The following CWC22 variants were observed in gnomAD, a reference collection of about 807,000 sequenced individuals.
CWC22 encodes CWC22 spliceosome associated protein, also known as pre-mRNA-splicing factor CWC22 homolog.
CWC22 carries 53 observed loss-of-function variants against 117.2 expected under a neutral mutation model. That is an observed-to-expected ratio of 0.45 (90% CI 0.36 to 0.57). The LOEUF is 0.57. Ranked by LOEUF, CWC22 falls within the 20% of genes least tolerant of loss-of-function variation. CWC22 has a pLI of 0.00. For synonymous variants in CWC22, 360 were observed against 355.6 expected (o/e 1.01, Z -0.14); for missense variants, 980 against 1,068.8 (o/e 0.92, Z 1.16).
At chr2:179,955,516 A>T (rs1686564963) in intron 14 of CWC22, among the ~76,000 whole-genome samples, 1 of 152,056 alleles carries the variant, frequency 6.6e-6, no homozygotes. Flanking sequence ...ATAAGTAGGT[A>T]CAACTTCAAC....
At chr2:179,982,180 C>A (rs1258425087) in intron 4 of CWC22, among the ~76,000 whole-genome samples, 183 bp from the exon 5 acceptor site, 1 of 152,070 alleles carries the variant, frequency 6.6e-6, no homozygotes, top group African/African-American at 2.4e-5. Context: ...GAAGGCTTGA[C>A]AGGATTTAGA....
chr2:179,996,461 T>C (rs1687701230), intron 1 of CWC22, among the ~76,000 whole-genome samples: 1 of 151,910 alleles, frequency 6.6e-6, no homozygotes, highest in Non-Finnish European at 1.5e-5. Context: ...AAGCCAAAGA[T>C]AAAGAGAAAA....
intron 11 of CWC22, 89 bp downstream of exon 11, chr2:179,970,412 G>C: frequency 8.2e-7 from 1 of 1,226,658 alleles, no homozygotes; most frequent in Non-Finnish European, 1.1e-6. Flanking sequence ...ATTAGGTGGG[G>C]ATCTCTAAAT....
chr2:179,970,853 A>G lies in CWC22; in HGVS notation c.944T>C (p.Ile315Thr), dbSNP rs1559290544. 4 of 1,612,784 alleles carry G rather than the reference A, an allele frequency of 2.5e-6. No homozygotes were observed. Among genetic ancestry groups the G allele is most frequent in the Non-Finnish European group, 3.4e-6 (4 of 1,179,112 alleles). ...TQVSPRGINAIFERLRNILHE... is the reference protein window; with the variant it reads ...TQVSPRGINATFERLRNILHE... ...CAGAATGTTTCGAAGGCGTTCAAAT[A>G]TAGCTAAAAGTTAACAGAAAGAAAA... Residue 315 changes from isoleucine (I) to threonine (T), a missense_variant, in exon 10 of 20, where the codon ATA (isoleucine) becomes ACA (threonine). Ile to Thr is a moderately conservative substitution (Grantham distance 89). Transcript: ENST00000410053.
chr2:179,994,883 G>A (rs1315332172), intron 1 of CWC22, among the ~76,000 whole-genome samples: 3 of 152,112 alleles, frequency 2.0e-5, no homozygotes, highest in South Asian at 2.1e-4. Context: ...TTGGGAGGCC[G>A]AGGTGGGTGG....
chr2:179,953,030 T>C (rs547879052), intron 16 of CWC22, among the ~76,000 whole-genome samples: 27 of 152,260 alleles, frequency 1.8e-4, no homozygotes, highest in African/African-American at 5.5e-4. Context: ...AATGGTTTAT[T>C]CTGAATATTA....
chr2:179,945,148 G>A lies in CWC22; in HGVS notation c.2708C>T (p.Ser903Phe), dbSNP rs1686256996. 6.3e-7 allele frequency: 1 copy of A among 1,598,122 alleles called. No homozygotes were observed. The highest frequency in any genetic ancestry group is 8.5e-7 in the Non-Finnish European group (1 of 1,175,156). Residue 903 changes from serine to phenylalanine, a missense_variant, in exon 20 of 20, where the codon TCT (serine) becomes TTT (phenylalanine). Physicochemically the swap from Ser to Phe is radical, Grantham distance 155 (BLOSUM62 -2). This residue lies in a region of CWC22 where 306 missense variants were observed against 296.8 expected (regional missense o/e 1.03). Transcript: ENST00000410053. ...GTAGAATTATTTTTGTTTTGCTGGA[G>A]ACTTTTCTCTTCGCCGGTCCTGATT... ...KKNQDRRREKSPAKQK is the reference protein window; with the variant it reads ...KKNQDRRREKFPAKQK
intron 4 of CWC22, among the ~76,000 whole-genome samples, chr2:179,986,306 T>C (rs745499671): frequency 6.6e-6 from 1 of 152,116 alleles, no homozygotes; most frequent in Admixed American, 6.6e-5. Flanking sequence ...GACCACTCTA[T>C]ATCATACAAT....
chr2:179,984,111 T>C (rs1687355171), intron 4 of CWC22, among the ~76,000 whole-genome samples: 1 of 152,122 alleles, frequency 6.6e-6, no homozygotes, highest in African/African-American at 2.4e-5. Context: ...TTTCATATAC[T>C]AGACCTAACA....
chr2:179,994,746 G>A (rs893405877), intron 1 of CWC22, among the ~76,000 whole-genome samples: 1 of 152,122 alleles, frequency 6.6e-6, no homozygotes, highest in African/African-American at 2.4e-5. Context: ...TACATAATAC[G>A]CTTATTAACA....
intron 1 of CWC22, among the ~76,000 whole-genome samples, chr2:179,997,171 GTA>G: frequency 6.6e-6 from 1 of 151,888 alleles, no homozygotes; most frequent in East Asian, 1.9e-4. Context: ...TGTAGCCAGA[GTA>G]TATATATGTA....
At chr2:180,004,777 A>G (rs1687931181) in intron 1 of CWC22, among the ~76,000 whole-genome samples, 1 of 151,606 alleles carries the variant, frequency 6.6e-6, no homozygotes, top group Non-Finnish European at 1.5e-5. Flanking sequence ...TTAGAAAAAC[A>G]ATTAGGTAGT....
At chr2:179,958,330 CAAAAA>C (rs11453659) in intron 14 of CWC22, among the ~76,000 whole-genome samples, 2 of 92,796 alleles carry the variant, frequency 2.2e-5, no homozygotes, top group Admixed American at 1.5e-4. Flanking sequence ...GACTCTGGCT[CAAAAA>C]AAAAAAAAAA....
In CWC22 at chr2:179,976,140, A is replaced by C. The variant is rs1352294652; in HGVS notation, c.581+2050T>G. 2.6e-5 allele frequency among the ~76,000 whole-genome samples: 4 copies of C among 152,238 alleles called. No homozygotes were observed. The East Asian group carries it at 7.7e-4, about 29-fold the overall frequency. On this transcript the variant is annotated intron_variant, in intron 6 of 19. Transcript: ENST00000410053. ...GATTTTCGACAAAGATGCTAAGAAG[A>C]CACAATAGGGAAAAGACAGTGTCTT... is the stretch of plus-strand genomic sequence containing the variant.
intron 5 of CWC22, among the ~76,000 whole-genome samples, 175 bp downstream of exon 5, chr2:179,981,577 G>A (rs192181073): frequency 6.6e-6 from 1 of 152,238 alleles, no homozygotes; most frequent in African/African-American, 2.4e-5. Flanking sequence ...GCTAATATAA[G>A]GGCACGTAGT....
intron 2 of CWC22, among the ~76,000 whole-genome samples, chr2:179,989,422 C>T (rs1248871371): frequency 6.6e-6 from 1 of 151,896 alleles, no homozygotes; most frequent in Non-Finnish European, 1.5e-5. Flanking sequence ...TTATGAAAAC[C>T]ACAACTTTAG....
intron 4 of CWC22, among the ~76,000 whole-genome samples, chr2:179,985,192 C>T (rs1198259181): frequency 1.3e-5 from 2 of 151,896 alleles, no homozygotes; most frequent in African/African-American, 4.8e-5. Flanking sequence ...TATGCAACAC[C>T]ACCTCATTAA....
intron 13 of CWC22, among the ~76,000 whole-genome samples, chr2:179,962,900 A>G (rs1686790708): frequency 6.6e-6 from 1 of 152,168 alleles, no homozygotes; most frequent in Non-Finnish European, 1.5e-5. Context: ...CCCTTAGGGT[A>G]TAAATATGTA....
intron 5 of CWC22, 95 bp downstream of exon 5, chr2:179,981,657 C>A (rs575733338): frequency 4.9e-6 from 5 of 1,025,886 alleles, no homozygotes; most frequent in Non-Finnish European, 7.2e-6. Context: ...TATAGACTAA[C>A]GTAAATTCTC....
Sources: allele counts gnomAD v4.1 joint callset (sites outside exome capture counted in the v4.1 genomes callset), GRCh38; gene constraint gnomAD v4.1.1; regional missense constraint gnomAD v4.1.1; transcripts MANE v1.5; gene names NCBI Gene and HGNC (gene_info 2026-07-23, HGNC 2026-07-21).